NRXN3: variants seen among roughly 807,000 people sequenced by gnomAD.
The protein encoded by NRXN3 is neurexin III.
Under a neutral mutation model 137.6 loss-of-function variants are expected in NRXN3, and 32 were observed. The observed-to-expected ratio is 0.23, with a 90% confidence interval of 0.18 to 0.31. NRXN3 has a LOEUF of 0.31. Ranked by LOEUF, NRXN3 falls within the 10% of genes least tolerant of loss-of-function variation. The pLI is 1.00. For synonymous variants in NRXN3, 798 were observed against 784.5 expected (o/e 1.02, Z -0.29); for missense variants, 1,574 against 2,062.5 (o/e 0.76, Z 4.59).
At chr14:79,785,475 C>G (rs1415515758) in intron 19 of NRXN3, among the ~76,000 whole-genome samples, 3 of 152,136 alleles carry the variant, frequency 2.0e-5, no homozygotes, top group Non-Finnish European at 4.4e-5. Flanking sequence ...TGCCATTTAC[C>G]TGGACTATCT....
At chr14:79,777,193 C>T (rs55976830) in intron 19 of NRXN3, among the ~76,000 whole-genome samples, 5,078 of 152,212 alleles carry the variant, frequency 0.033, 109 homozygotes, top group South Asian at 0.063. Context: ...ATAAAAGATG[C>T]AAACTATTTT....
chr14:79,648,281 G>C (rs1464448482), intron 16 of NRXN3, among the ~76,000 whole-genome samples: 1 of 135,366 alleles, frequency 7.4e-6, no homozygotes, highest in Non-Finnish European at 1.7e-5. Flanking sequence ...ACAGAAATTA[G>C]CGGGGACTGT....
At chr14:79,778,919 G>A (rs776051616) in intron 19 of NRXN3, among the ~76,000 whole-genome samples, 2 of 152,102 alleles carry the variant, frequency 1.3e-5, no homozygotes, top group Non-Finnish European at 2.9e-5. Context: ...GATAGATTTG[G>A]GTCAGAATTG....
chr14:78,600,090 C>T (rs1015203586), intron 4 of NRXN3, among the ~76,000 whole-genome samples: 71 of 152,172 alleles, frequency 4.7e-4, no homozygotes, highest in African/African-American at 1.3e-3. Flanking sequence ...GACAGGTGAC[C>T]GAGGGGGGCA....
intron 15 of NRXN3, among the ~76,000 whole-genome samples, chr14:79,425,343 T>A (rs902645017): frequency 6.6e-6 from 1 of 152,188 alleles, no homozygotes; most frequent in Non-Finnish European, 1.5e-5. Flanking sequence ...TTTATAAAAG[T>A]GACAAAAATT....
chr14:79,585,367 G>A lies in NRXN3; in HGVS notation c.3445-78411G>A, dbSNP rs2097756396. On this transcript the variant is annotated intron_variant, in intron 16 of 20. Coordinates refer to ENST00000335750, the MANE Select transcript of NRXN3 (RefSeq NM_001330195.2). Reference sequence around the variant, plus strand: ...TTGGAAGGATAGAGGCATAGCCTGAGAAGATAAAGGTGAAATCTCTGAAAA... The same window carrying A: ...TTGGAAGGATAGAGGCATAGCCTGAAAAGATAAAGGTGAAATCTCTGAAAA... Among the ~76,000 whole-genome samples the A allele has an allele frequency of 3.3e-5, 5 of 152,118 alleles. No individual in the cohort carries two copies. The South Asian group carries it at 1.0e-3, about 31-fold the overall frequency.
At chr14:79,613,363 G>T (rs1306483511) in intron 16 of NRXN3, among the ~76,000 whole-genome samples, 1 of 152,142 alleles carries the variant, frequency 6.6e-6, no homozygotes, top group Non-Finnish European at 1.5e-5. Flanking sequence ...TGTAAGATTT[G>T]CTCAGATCTC....
intron 4 of NRXN3, among the ~76,000 whole-genome samples, chr14:78,626,504 T>C (rs899499473): frequency 1.2e-4 from 19 of 152,204 alleles, no homozygotes; most frequent in African/African-American, 3.6e-4. Flanking sequence ...ACTTCAGGAA[T>C]GTATGTTTGT....
chr14:78,792,906 T>C (rs2098810034), intron 8 of NRXN3, among the ~76,000 whole-genome samples: 2 of 152,192 alleles, frequency 1.3e-5, no homozygotes, highest in Non-Finnish European at 2.9e-5. Context: ...TTTTAAAAAG[T>C]TGTTACCATA....
At chr14:78,339,433 G>T (rs1452529920) in intron 4 of NRXN3, among the ~76,000 whole-genome samples, 1 of 152,140 alleles carries the variant, frequency 6.6e-6, no homozygotes, top group Non-Finnish European at 1.5e-5. Flanking sequence ...TAGAGAGGAG[G>T]TGCACATATA....
At chr14:78,765,864 A>G (rs2098707360) in intron 8 of NRXN3, among the ~76,000 whole-genome samples, 1 of 152,120 alleles carries the variant, frequency 6.6e-6, no homozygotes, top group Non-Finnish European at 1.5e-5. Flanking sequence ...TATAGACTGC[A>G]TAGACCTCTC....
chr14:79,449,868 G>A (rs2096134869), intron 15 of NRXN3, among the ~76,000 whole-genome samples: 2 of 151,680 alleles, frequency 1.3e-5, no homozygotes, highest in South Asian at 4.2e-4. Flanking sequence ...GCAGGTGCCT[G>A]TAATTCCAGC....
intron 19 of NRXN3, among the ~76,000 whole-genome samples, chr14:79,791,504 T>TATA (rs1568265678): frequency 1.5e-5 from 2 of 137,360 alleles, no homozygotes; most frequent in African/African-American, 2.7e-5. Flanking sequence ...AATTATATAT[T>TATA]GTAATTATAA....
At chr14:78,976,073 G>A (rs1275434129) in intron 14 of NRXN3, among the ~76,000 whole-genome samples, 1 of 152,124 alleles carries the variant, frequency 6.6e-6, no homozygotes, top group African/African-American at 2.4e-5. Context: ...TTTTTAAGAA[G>A]GGTATTAGTG....
At position 78,238,336 on chromosome 14, in the gene NRXN3, G is replaced by A. The variant is rs538558231; in HGVS notation, c.-703-4055G>A. Among the ~76,000 whole-genome samples the A allele has an allele frequency of 8.5e-5, 13 of 152,296 alleles. No individual in the cohort carries two copies. In the East Asian group the frequency reaches 9.7e-4, roughly 11 times the overall value. On this transcript the variant is annotated intron_variant, in intron 1 of 20. Coordinates refer to ENST00000335750, the MANE Select transcript of NRXN3 (RefSeq NM_001330195.2). ...GTGTTCTGAGCTTCTGCACCAGCCC[G>A]GGCCCTGCATGCAGGCTCTGGGGCA...
intron 6 of NRXN3, among the ~76,000 whole-genome samples, chr14:78,704,905 G>A (rs959670262): frequency 1.3e-5 from 2 of 152,164 alleles, no homozygotes; most frequent in Admixed American, 6.5e-5. Context: ...TTGCTCCTGT[G>A]TGTCTCTGTA....
intron 10 of NRXN3, among the ~76,000 whole-genome samples, chr14:78,815,094 A>T (rs1163110639): frequency 2.0e-5 from 3 of 152,214 alleles, no homozygotes; most frequent in Non-Finnish European, 4.4e-5. Context: ...GAGTTTGTGT[A>T]TAAGCCTGAT....
chr14:78,250,574 A>T (rs1180712745), intron 2 of NRXN3, among the ~76,000 whole-genome samples: 1 of 152,194 alleles, frequency 6.6e-6, no homozygotes, highest in East Asian at 1.9e-4. Flanking sequence ...TGACTGCGGG[A>T]TGGGATTCAG....
intron 10 of NRXN3, among the ~76,000 whole-genome samples, chr14:78,922,054 G>A (rs757198067): frequency 6.6e-6 from 1 of 152,138 alleles, no homozygotes; most frequent in Non-Finnish European, 1.5e-5. Context: ...TGCTGAAGTT[G>A]TAACCCTGGT....
Sources: allele counts gnomAD v4.1 joint callset (sites outside exome capture counted in the v4.1 genomes callset), GRCh38; gene constraint gnomAD v4.1.1; transcripts MANE v1.5; gene names NCBI Gene and HGNC (gene_info 2026-07-23, HGNC 2026-07-21).